CLVS1: variants seen among roughly 807,000 people sequenced by gnomAD.
The protein encoded by CLVS1 is clavesin 1, also known as clavesin-1.
CLVS1 carries 10 observed loss-of-function variants against 33.1 expected under a neutral mutation model. The observed-to-expected ratio is 0.30, with a 90% CI of 0.19 to 0.51. The LOEUF (loss-of-function observed/expected upper bound fraction) is 0.51. CLVS1 is among the 20% of genes least tolerant of loss of function. The pLI is 0.97. For synonymous variants in CLVS1, 163 were observed against 166.1 expected (o/e 0.98, Z 0.14); for missense variants, 343 against 433.4 (o/e 0.79, Z 1.85).
intron 2 of CLVS1, among the ~76,000 whole-genome samples, chr8:61,207,692 C>T (rs562009588): frequency 2.9e-4 from 44 of 152,298 alleles, no homozygotes; most frequent in African/African-American, 8.2e-4. Flanking sequence ...GCCTCAGTTT[C>T]CCATTTGCAT....
intron 2 of CLVS1, chr8:61,203,189 G>A: frequency 3.6e-6 from 4 of 1,118,544 alleles, no homozygotes; most frequent in Middle Eastern, 2.2e-4. Flanking sequence ...TGACCAAGAG[G>A]CTATTCAAGA....
intron 2 of CLVS1, among the ~76,000 whole-genome samples, chr8:61,271,600 A>C (rs1809439487): frequency 8.2e-6 from 1 of 121,442 alleles, no homozygotes; most frequent in Non-Finnish European, 1.6e-5. Context: ...GATGTGTCTA[A>C]TGTTGACAGT....
chr8:61,178,195 A>G (rs1261327117), intron 2 of CLVS1, among the ~76,000 whole-genome samples: 1 of 152,224 alleles, frequency 6.6e-6, no homozygotes, highest in Non-Finnish European at 1.5e-5. Context: ...GAACATCTTG[A>G]AGCATACGCA....
chr8:61,050,941 A>T, the CLVS1 span, among the ~76,000 whole-genome samples: 2 of 152,240 alleles, frequency 1.3e-5, no homozygotes, highest in East Asian at 1.9e-4. Flanking sequence ...AGCCAGTCAG[A>T]TAATGAGCTT....
chr8:61,367,044 T>C (rs1305674673), intron 2 of CLVS1, among the ~76,000 whole-genome samples: 2 of 152,174 alleles, frequency 1.3e-5, no homozygotes, highest in East Asian at 3.9e-4. Context: ...CCATATCTAA[T>C]TGGTACCTAA....
chr8:61,227,373 CTATA>C (rs1446758845), intron 2 of CLVS1, among the ~76,000 whole-genome samples: 1 of 151,088 alleles, frequency 6.6e-6, no homozygotes, highest in African/African-American at 2.4e-5. Context: ...TTCTGGGAAG[CTATA>C]TAATCACATT....
intron 5 of CLVS1, among the ~76,000 whole-genome samples, chr8:61,463,021 C>T (rs558381204): frequency 1.3e-5 from 2 of 152,294 alleles, no homozygotes; most frequent in East Asian, 1.9e-4. Flanking sequence ...TTAGTGTAGC[C>T]AGCTTCATCA....
intron 2 of CLVS1, among the ~76,000 whole-genome samples, chr8:61,363,407 T>C (rs919085219): frequency 2.0e-5 from 3 of 152,226 alleles, no homozygotes; most frequent in Non-Finnish European, 4.4e-5. Context: ...TCTCCTGCAG[T>C]GTAGCTACTG....
intron 5 of CLVS1, among the ~76,000 whole-genome samples, chr8:61,473,917 G>A (rs1817821879): frequency 6.6e-6 from 1 of 152,154 alleles, no homozygotes; most frequent in African/African-American, 2.4e-5. Context: ...GGCTTGTGTG[G>A]TATCTGGTTA....
intron 5 of CLVS1, among the ~76,000 whole-genome samples, chr8:61,460,166 G>A (rs981099406): frequency 2.6e-5 from 4 of 152,080 alleles, no homozygotes; most frequent in Admixed American, 6.5e-5. Context: ...GTTTTTCCAC[G>A]TCAGTATATT....
At chr8:61,056,445 T>C (rs1009797373), upstream of CLVS1, among the ~76,000 whole-genome samples, 12 of 152,236 alleles carry the variant, frequency 7.9e-5, no homozygotes, top group African/African-American at 2.4e-4. Context: ...TATTTGACCC[T>C]GTTTTCTTGT....
Position 61,330,604 on chromosome 8 carries a change from A to C in CLVS1, c.455+30322A>C, listed in dbSNP as rs1585811393. On this transcript the variant is annotated intron_variant, in intron 2 of 5. Coordinates refer to ENST00000325897, the MANE Select transcript of CLVS1 (RefSeq NM_173519.3). The stretch of plus-strand genomic sequence containing the variant: ...AACACACTGACTAATATCTTTAGTT[A>C]GAGAAGTCTCTCCTTTTACAGTCAT... 3.3e-5 allele frequency among the ~76,000 whole-genome samples: 5 copies of C among 152,298 alleles called. No individual in the cohort carries two copies. In the South Asian group the frequency reaches 1.0e-3, roughly 32 times the overall value.
chr8:61,086,880 G>A (rs922809436), intron 1 of CLVS1, among the ~76,000 whole-genome samples: 2 of 152,148 alleles, frequency 1.3e-5, no homozygotes, highest in Admixed American at 1.3e-4. Context: ...GATGATGCTT[G>A]CCTCAGTGAA....
chr8:60,989,854 G>A, the CLVS1 span, among the ~76,000 whole-genome samples: 2 of 150,802 alleles, frequency 1.3e-5, no homozygotes, highest in East Asian at 1.9e-4. Flanking sequence ...GGCTGGGTGC[G>A]GTGACTCATG....
intron 3 of CLVS1, among the ~76,000 whole-genome samples, chr8:61,427,807 A>G (rs1412419506): frequency 6.6e-6 from 1 of 152,214 alleles, no homozygotes. Context: ...CTTTTTGGTA[A>G]CACTGTTAGG....
At chr8:61,429,203 C>A (rs1816016121) in intron 3 of CLVS1, among the ~76,000 whole-genome samples, 1 of 151,942 alleles carries the variant, frequency 6.6e-6, no homozygotes, top group African/African-American at 2.4e-5. Context: ...AGGTGGATCA[C>A]AAGGTCAGGA....
At chr8:61,148,655 G>A (rs1806463638) in intron 2 of CLVS1, among the ~76,000 whole-genome samples, 1 of 152,214 alleles carries the variant, frequency 6.6e-6, no homozygotes, top group African/African-American at 2.4e-5. Flanking sequence ...CCAGTGTGGT[G>A]TCCAGAGCAA....
chr8:61,171,323 T>G (rs888318813), intron 2 of CLVS1, among the ~76,000 whole-genome samples: 1 of 152,174 alleles, frequency 6.6e-6, no homozygotes, highest in Non-Finnish European at 1.5e-5. Flanking sequence ...GTATAAAAAG[T>G]ATGTTGGAGG....
intron 1 of CLVS1, among the ~76,000 whole-genome samples, chr8:61,116,808 G>A (rs1297507853): frequency 7.2e-6 from 1 of 139,294 alleles, no homozygotes; most frequent in Non-Finnish European, 1.5e-5. Flanking sequence ...GTAGTGTGAT[G>A]CCTCCAGCTT....
Sources: gnomAD v4.1 joint callset for allele counts (sites outside exome capture counted in the v4.1 genomes callset) on GRCh38, gnomAD v4.1.1 for gene constraint, MANE v1.5 for transcripts, NCBI Gene and HGNC (gene_info 2026-07-23, HGNC 2026-07-21) for gene names.